TAFA5: variants seen among roughly 807,000 people sequenced by gnomAD.
TAFA5 encodes chemokine-like protein TAFA-5.
A neutral mutation model predicts 15.3 loss-of-function variants in TAFA5; 6 were observed. The observed-to-expected ratio is 0.39, with a 90% CI of 0.21 to 0.77. The LOEUF (loss-of-function observed/expected upper bound fraction) is 0.77, where lower values mean the gene tolerates loss of function less well. TAFA5 is among the 30% of genes least tolerant of loss of function. TAFA5 has a pLI of 0.41. For missense variants in TAFA5, 161 were observed against 193.1 expected (o/e 0.83, Z 0.98); for synonymous variants, 103 against 80.7 (o/e 1.28, Z -1.48).
chr22:48,708,567 C>T (rs548060019), intron 3 of TAFA5, among the ~76,000 whole-genome samples: 2 of 152,354 alleles, frequency 1.3e-5, no homozygotes, highest in South Asian at 4.1e-4. Context: ...AGCCCACGCC[C>T]ACGTGCATGG....
chr22:48,699,427 C>T (rs979939896), intron 2 of TAFA5, among the ~76,000 whole-genome samples: 15 of 151,938 alleles, frequency 9.9e-5, no homozygotes, highest in African/African-American at 2.2e-4. Context: ...AGTTGCAGCA[C>T]GCGTTTTGCA....
chr22:48,637,443 C>T (rs1926490797), intron 1 of TAFA5, among the ~76,000 whole-genome samples: 1 of 152,158 alleles, frequency 6.6e-6, no homozygotes, highest in Non-Finnish European at 1.5e-5. Flanking sequence ...GCCCTTCTCA[C>T]CTTGTCTCTT....
At chr22:48,710,618 C>T (rs948010531) in intron 3 of TAFA5, among the ~76,000 whole-genome samples, 6 of 152,216 alleles carry the variant, frequency 3.9e-5, no homozygotes, top group African/African-American at 1.4e-4. Flanking sequence ...AACCGAGGTG[C>T]TCACCGTGTC....
rs998051111 is a variant in TAFA5, at chr22:48,734,956, G to A, written c.391-14883G>A. 6.6e-5 allele frequency among the ~76,000 whole-genome samples: 10 copies of A among 152,212 alleles called. No individual in the cohort carries two copies. In the East Asian group the frequency reaches 1.9e-3, roughly 29 times the overall value. ...ACTCTGAGATGACCAGGAGGAAGTGGAGGGGAATATTGATCTGCATGTGGC... is the reference window on the plus strand; with the variant it reads ...ACTCTGAGATGACCAGGAGGAAGTGAAGGGGAATATTGATCTGCATGTGGC... On this transcript the variant is annotated intron_variant, in intron 3 of 3. Transcript: ENST00000402357.
intron 1 of TAFA5, among the ~76,000 whole-genome samples, chr22:48,583,397 C>G (rs979185566): frequency 1.3e-5 from 2 of 150,934 alleles, no homozygotes; most frequent in Non-Finnish European, 3.0e-5. Context: ...ATACACCACA[C>G]ACCACACACA....
At chr22:48,602,756 C>T (rs977554637) in intron 1 of TAFA5, among the ~76,000 whole-genome samples, 1 of 152,034 alleles carries the variant, frequency 6.6e-6, no homozygotes, top group African/African-American at 2.4e-5. Context: ...CTGCTGGTGT[C>T]CAGTGAACAC....
At chr22:48,497,295 G>C (rs1242253907) in intron 1 of TAFA5, among the ~76,000 whole-genome samples, 1 of 152,200 alleles carries the variant, frequency 6.6e-6, no homozygotes, top group Non-Finnish European at 1.5e-5. Flanking sequence ...GGTCCCACGG[G>C]GCCCGGCAGG....
chr22:48,682,710 A>T (rs1369766966), intron 2 of TAFA5, among the ~76,000 whole-genome samples: 1 of 152,150 alleles, frequency 6.6e-6, no homozygotes, highest in Non-Finnish European at 1.5e-5. Context: ...TTTGCATATT[A>T]CCCAGAAGCA....
In TAFA5 at chr22:48,528,133, C is replaced by T. The variant is rs142066693; in HGVS notation, c.112+38429C>T. Among the ~76,000 whole-genome samples, 217 of 152,302 alleles carry T rather than the reference C, an allele frequency of 1.4e-3. 1 individual carries two copies. Among genetic ancestry groups the T allele is most frequent in the African/African-American group, 5.1e-3 (210 of 41,564 alleles). ...ACAGGCCCCGCGATGGCTCTGATGG[C>T]GTCGATGATGCTGATTCTCAGTTAA... On this transcript the variant is annotated intron_variant, in intron 1 of 3. Coordinates refer to ENST00000402357, the MANE Select transcript of TAFA5 (RefSeq NM_001082967.3).
chr22:48,636,669 C>A (rs1926462621), intron 1 of TAFA5, among the ~76,000 whole-genome samples: 1 of 81,742 alleles, frequency 1.2e-5, no homozygotes, highest in Admixed American at 1.4e-4. Flanking sequence ...TTGATGGTGC[C>A]CCCACTTGTG....
chr22:48,730,361 G>C (rs1929835002), intron 3 of TAFA5, among the ~76,000 whole-genome samples: 1 of 151,618 alleles, frequency 6.6e-6, no homozygotes, highest in Non-Finnish European at 1.5e-5. Flanking sequence ...ACTCCAGCCT[G>C]GGCGACAGAG....
intron 2 of TAFA5, among the ~76,000 whole-genome samples, chr22:48,696,592 C>G (rs972918585): frequency 3.3e-5 from 5 of 152,348 alleles, no homozygotes; most frequent in East Asian, 3.9e-4. Flanking sequence ...GGAGCTCCCC[C>G]CAACTGCAGA....
intron 1 of TAFA5, among the ~76,000 whole-genome samples, chr22:48,549,941 C>T (rs113230197): frequency 1.3e-5 from 2 of 152,214 alleles, no homozygotes; most frequent in African/African-American, 2.4e-5. Flanking sequence ...CTGCACCAGG[C>T]GAGGTCCGAA....
chr22:48,691,948 C>T (rs1460710259), intron 2 of TAFA5, among the ~76,000 whole-genome samples: 1 of 152,172 alleles, frequency 6.6e-6, no homozygotes, highest in African/African-American at 2.4e-5. Flanking sequence ...TGAGCTGACA[C>T]TAGGTGCCCT....
At chr22:48,719,121 G>C (rs1175882312) in intron 3 of TAFA5, among the ~76,000 whole-genome samples, 1 of 152,218 alleles carries the variant, frequency 6.6e-6, no homozygotes, top group African/African-American at 2.4e-5. Context: ...AATCCCGTGT[G>C]GGGAGGTGTG....
At chr22:48,509,098 C>T (rs1006396153) in intron 1 of TAFA5, among the ~76,000 whole-genome samples, 1 of 152,226 alleles carries the variant, frequency 6.6e-6, no homozygotes, top group African/African-American at 2.4e-5. Context: ...TCACTTAACA[C>T]AATGCCCTCC....
chr22:48,589,254 G>A (rs754835150), intron 1 of TAFA5, among the ~76,000 whole-genome samples: 11 of 152,332 alleles, frequency 7.2e-5, no homozygotes, highest in Non-Finnish European at 1.5e-4. Flanking sequence ...GTGGCCAGGG[G>A]GTGACTGGCT....
chr22:48,517,933 C>T (rs1569165565), intron 1 of TAFA5, among the ~76,000 whole-genome samples: 1 of 152,242 alleles, frequency 6.6e-6, no homozygotes, highest in Non-Finnish European at 1.5e-5. Context: ...GCGGGGGCAG[C>T]CTCGTGAAAA....
At chr22:48,697,924 GTGGTGGTGATGATGTGTGA>G (rs1334658121) in intron 2 of TAFA5, among the ~76,000 whole-genome samples, 2 of 151,098 alleles carry the variant, frequency 1.3e-5, no homozygotes, top group Non-Finnish European at 3.0e-5. Context: ...GATGATGGTG[GTGGTGGTGATGATGTGTGA>G]TGGTGAGGAT....
Sources: allele counts gnomAD v4.1 joint callset (sites outside exome capture counted in the v4.1 genomes callset), GRCh38; gene constraint gnomAD v4.1.1; transcripts MANE v1.5; gene names NCBI Gene and HGNC (gene_info 2026-07-23, HGNC 2026-07-21).